SORCS3: variants seen among roughly 807,000 people sequenced by gnomAD.
SORCS3 encodes VPS10 domain-containing receptor SorCS3.
SORCS3 carries 57 observed loss-of-function variants against 146.3 expected under a neutral mutation model. The ratio of observed to expected loss-of-function variants is 0.39; its 90% CI spans 0.31 to 0.49. The LOEUF is 0.49. SORCS3 is among the 20% of genes least tolerant of loss of function. The pLI, the probability that SORCS3 is intolerant of heterozygous loss-of-function variation, is 0.92. For synonymous variants in SORCS3, 653 were observed against 618.5 expected, an observed-to-expected ratio of 1.06 and a Z score of -0.83; for missense variants, 1,341 against 1,575.5, an observed-to-expected ratio of 0.85 and a Z score of 2.52.
intron 8 of SORCS3, among the ~76,000 whole-genome samples, chr10:105,146,347 C>G (rs910509411): frequency 6.6e-6 from 1 of 151,918 alleles, no homozygotes; most frequent in South Asian, 2.1e-4. Context: ...CCAGACAGAG[C>G]AAGACCCTGT....
At position 105,157,198 on chromosome 10, in the gene SORCS3, T is replaced by C; in HGVS notation, c.1543T>C (p.Tyr515His). 6.2e-7 allele frequency: 1 copy of C among 1,614,026 alleles called. No homozygotes were observed. Among genetic ancestry groups the C allele is most frequent in the Non-Finnish European group, 8.5e-7 (1 of 1,179,964 alleles). The change falls in exon 10 of 27, where the codon TAC (tyrosine) becomes CAC (histidine). Residue 515 changes from tyrosine to histidine, a missense_variant. Transcript: ENST00000369701. Reference sequence around the variant, plus strand: ...GAAGGTGGACGACCAGGTGAAGACATACATCACTTACAACAAAGGCAGGGA... The same window carrying C: ...GAAGGTGGACGACCAGGTGAAGACACACATCACTTACAACAAAGGCAGGGA... ...NKKVDDQVKT[Y>H]ITYNKGRDWR...
chr10:105,209,829 C>T (rs2056623559), intron 16 of SORCS3, among the ~76,000 whole-genome samples: 2 of 152,016 alleles, frequency 1.3e-5, no homozygotes, highest in African/African-American at 4.8e-5. Context: ...TGGGGTCAGA[C>T]TCGGAAGATA....
At chr10:104,753,760 T>A (rs2017015117) in intron 1 of SORCS3, among the ~76,000 whole-genome samples, 1 of 152,134 alleles carries the variant, frequency 6.6e-6, no homozygotes, top group African/African-American at 2.4e-5. Context: ...GTCCTTGGGG[T>A]TTATGTTATG....
intron 16 of SORCS3, among the ~76,000 whole-genome samples, chr10:105,207,662 A>G (rs1007709886): frequency 7.2e-5 from 11 of 152,180 alleles, no homozygotes; most frequent in African/African-American, 2.7e-4. Context: ...AGATATTTTA[A>G]TATACATTTA....
intron 3 of SORCS3, among the ~76,000 whole-genome samples, chr10:104,950,423 TA>T: frequency 6.6e-6 from 1 of 152,170 alleles, no homozygotes; most frequent in East Asian, 1.9e-4. Context: ...AAATTGTGGT[TA>T]ATAAAAAGTC....
At chr10:104,734,042 G>A (rs2016739930) in intron 1 of SORCS3, among the ~76,000 whole-genome samples, 1 of 152,142 alleles carries the variant, frequency 6.6e-6, no homozygotes, top group African/African-American at 2.4e-5. Flanking sequence ...ACTGGATTGA[G>A]GTGGTTGAGA....
At chr10:105,127,610 A>G (rs1204294218) in intron 7 of SORCS3, among the ~76,000 whole-genome samples, 1 of 152,168 alleles carries the variant, frequency 6.6e-6, no homozygotes, top group Non-Finnish European at 1.5e-5. Context: ...ATTAGTTGTT[A>G]TGACCTGAGT....
intron 1 of SORCS3, among the ~76,000 whole-genome samples, chr10:104,674,138 C>T (rs941956734): frequency 9.2e-5 from 14 of 152,280 alleles, no homozygotes; most frequent in Admixed American, 7.2e-4. Context: ...AGAAGTCTCT[C>T]CCCCTGGGAA....
chr10:104,708,034 G>A (rs2016359117), intron 1 of SORCS3, among the ~76,000 whole-genome samples: 1 of 152,198 alleles, frequency 6.6e-6, no homozygotes, highest in South Asian at 2.1e-4. Context: ...ATGAAGTGTT[G>A]ACAAAGGGGC....
intron 18 of SORCS3, 77 bp from the exon 19 acceptor site, chr10:105,216,859 G>A: frequency 6.9e-7 from 1 of 1,447,458 alleles, no homozygotes; most frequent in Non-Finnish European, 9.6e-7. Flanking sequence ...GGTTGATGCT[G>A]AAGCAACAGG....
At chr10:105,218,972 G>A (rs1434186937) in intron 19 of SORCS3, among the ~76,000 whole-genome samples, 2 of 151,998 alleles carry the variant, frequency 1.3e-5, no homozygotes, top group Non-Finnish European at 2.9e-5. Context: ...CCAAAATCAC[G>A]CCACTGTACT....
chr10:105,256,356 T>C (rs578220375), intron 24 of SORCS3, among the ~76,000 whole-genome samples: 1 of 152,370 alleles, frequency 6.6e-6, no homozygotes, highest in African/African-American at 2.4e-5. Flanking sequence ...TTCTTAATAA[T>C]GTAAGACTTT....
chr10:104,900,242 CAG>C (rs754353689), intron 2 of SORCS3, among the ~76,000 whole-genome samples: 60 of 152,152 alleles, frequency 3.9e-4, no homozygotes, highest in Non-Finnish European at 5.7e-4. Flanking sequence ...TCAGTGATAA[CAG>C]AATTCTCTCA....
intron 1 of SORCS3, among the ~76,000 whole-genome samples, chr10:104,836,921 A>G (rs2018075635): frequency 6.6e-6 from 1 of 152,158 alleles, no homozygotes; most frequent in Admixed American, 6.5e-5. Flanking sequence ...GACAAGCTCC[A>G]TTTCAGTGTA....
intron 20 of SORCS3, among the ~76,000 whole-genome samples, chr10:105,242,483 T>TA (rs2056833550): frequency 2.4e-4 from 13 of 53,106 alleles, no homozygotes; most frequent in African/African-American, 6.9e-4. Flanking sequence ...TATTTATATA[T>TA]TTATATATTT....
chr10:104,997,835 G>A (rs2055036611), intron 4 of SORCS3, among the ~76,000 whole-genome samples: 1 of 152,144 alleles, frequency 6.6e-6, no homozygotes, highest in Non-Finnish European at 1.5e-5. Context: ...CAATGCTTGT[G>A]TGGATATAAT....
chr10:105,020,284 C>T (rs1204196797), intron 4 of SORCS3, among the ~76,000 whole-genome samples: 3 of 152,166 alleles, frequency 2.0e-5, no homozygotes, highest in Non-Finnish European at 4.4e-5. Flanking sequence ...AATTAAGGGC[C>T]TCGTAAATAC....
chr10:105,123,867 A>G (rs2055953726), intron 7 of SORCS3, among the ~76,000 whole-genome samples: 1 of 152,148 alleles, frequency 6.6e-6, no homozygotes, highest in Admixed American at 6.5e-5. Context: ...CAAGGCAAAC[A>G]CTAGTATTTT....
At chr10:104,985,689 C>T (rs139605932) in intron 4 of SORCS3, among the ~76,000 whole-genome samples, 12 of 152,234 alleles carry the variant, frequency 7.9e-5, no homozygotes, top group East Asian at 7.7e-4. Context: ...ATTTGATCCA[C>T]GGTCTGCACA....
Sources: allele counts gnomAD v4.1 joint callset (sites outside exome capture counted in the v4.1 genomes callset), GRCh38; gene constraint gnomAD v4.1.1; transcripts MANE v1.5; gene names NCBI Gene and HGNC (gene_info 2026-07-23, HGNC 2026-07-21).